AGAP1: variants seen among roughly 807,000 people sequenced by gnomAD.
AGAP1 encodes arf-GAP with GTPase, ANK repeat and PH domain-containing protein 1.
A neutral mutation model predicts 105.3 loss-of-function variants in AGAP1; 29 were observed. That is an observed-to-expected ratio of 0.28 (90% CI 0.21 to 0.38). AGAP1 has a LOEUF of 0.38. Among genes scored for constraint, AGAP1 ranks in the 10% least tolerant of loss-of-function variants. The probability of loss-of-function intolerance (pLI) is 1.00; values close to 1 mark genes in which losing one functional copy is unlikely to be tolerated. For synonymous variants in AGAP1, 509 were observed against 485.9 expected (o/e 1.05, Z -0.63); for missense variants, 998 against 1,165.1 (o/e 0.86, Z 2.09).
chr2:235,671,113 G>A lies in AGAP1; in HGVS notation c.164-38066G>A, dbSNP rs1948394524. 4 of 1,242,788 alleles carry A rather than the reference G, an allele frequency of 3.2e-6. No individual in the cohort carries two copies. The South Asian group carries it at 1.0e-4, about 32-fold the overall frequency. The allele number at this position is 1,242,788 out of a possible 1,614,324, so 77.0% of individuals were successfully genotyped here. A position where few individuals can be genotyped will look rare whatever the true frequency, so the allele number is the denominator to read the frequency against. On this transcript the variant is annotated intron_variant, in intron 1 of 17. Transcript: ENST00000304032. The stretch of plus-strand genomic sequence containing the variant: ...GGAAGGGGCGTGGTGGGGACTTGCC[G>A]GTTCCGCAGCGGCTATGGGACCCGC...
Position 235,889,165 on chromosome 2 carries a change from T to C in AGAP1, c.1155+5716T>C, listed in dbSNP as rs1575703512. 6.6e-6 allele frequency among the ~76,000 whole-genome samples: 1 copy of C among 152,126 alleles called. No individual in the cohort carries two copies. Among genetic ancestry groups the C allele is most frequent in the African/African-American group, 2.4e-5 (1 of 41,418 alleles). On this transcript the variant is annotated intron_variant, in intron 10 of 17. Coordinates refer to ENST00000304032, the MANE Select transcript of AGAP1 (RefSeq NM_001037131.3). The surrounding 1 kb of genome is among the most constrained non-coding windows in gnomAD (Gnocchi z 4.6). Reference sequence around the variant, plus strand: ...CGGTGTGTTCGAAAATAAACCCAGCTCTTGGCCAAACAAACAGTCGGTATG... The same window carrying C: ...CGGTGTGTTCGAAAATAAACCCAGCCCTTGGCCAAACAAACAGTCGGTATG...
chr2:235,597,576 C>G (rs1323691897), intron 1 of AGAP1, among the ~76,000 whole-genome samples: 1 of 152,224 alleles, frequency 6.6e-6, no homozygotes, highest in African/African-American at 2.4e-5. Context: ...CCTTACTGCA[C>G]AATTGATACT....
rs936881322 is a variant in AGAP1, at chr2:236,080,057, G to A, written c.2114+30776G>A. Among the ~76,000 whole-genome samples the A allele has an allele frequency of 1.9e-4, 29 of 152,336 alleles. No individual in the cohort carries two copies. Among genetic ancestry groups the A allele is most frequent in the Admixed American group, 5.2e-4 (8 of 15,298 alleles). ...AGTGCCCATAGCTGTGATGTAGTCA[G>A]GGCCCCATGGCATCCGCACACATCA... is the stretch of plus-strand genomic sequence containing the variant. On this transcript the variant is annotated intron_variant, in intron 16 of 17. Transcript: ENST00000304032. The surrounding 1 kb of genome is among the most constrained non-coding windows in gnomAD (Gnocchi z 4.2).
intron 13 of AGAP1, among the ~76,000 whole-genome samples, chr2:236,018,818 C>A (rs1161376504): frequency 1.3e-5 from 2 of 152,242 alleles, no homozygotes; most frequent in Non-Finnish European, 2.9e-5. Flanking sequence ...GCCCCAGCAA[C>A]AGGCCTGGGA....
intron 6 of AGAP1, among the ~76,000 whole-genome samples, chr2:235,759,442 T>G (rs188093988): frequency 3.5e-4 from 53 of 152,332 alleles, no homozygotes; most frequent in African/African-American, 1.2e-3. Flanking sequence ...GTGCTGGGAT[T>G]ACAGGCGTGA....
chr2:235,541,606 G>T (rs1943443747), intron 1 of AGAP1, among the ~76,000 whole-genome samples: 1 of 150,768 alleles, frequency 6.6e-6, no homozygotes, highest in African/African-American at 2.4e-5. Context: ...AGCCAGGATG[G>T]TCTCGATCTC....
intron 1 of AGAP1, among the ~76,000 whole-genome samples, chr2:235,523,842 G>A (rs1290130405): frequency 6.6e-6 from 1 of 151,678 alleles, no homozygotes; most frequent in Non-Finnish European, 1.5e-5. Context: ...GTAGCAGGGG[G>A]ACGGTGGTCT....
intron 6 of AGAP1, among the ~76,000 whole-genome samples, chr2:235,766,597 T>C (rs547492542): frequency 1.1e-4 from 16 of 152,338 alleles, no homozygotes; most frequent in African/African-American, 3.1e-4. Context: ...TTCATTGGAA[T>C]GAGGAGGAGA....
At position 235,555,152 on chromosome 2, in the gene AGAP1, C is replaced by G. The variant is rs1230271924; in HGVS notation, c.163+60303C>G. Among the ~76,000 whole-genome samples the G allele has an allele frequency of 6.6e-6, 1 of 152,288 alleles. No homozygotes were observed. The highest frequency in any genetic ancestry group is 2.1e-4 in the South Asian group (1 of 4,824). ...GGCAGAGGCACAGGGGTTGCTGATT[C>G]TTCTTTCCAGATGGATGTTTCTAAA... On this transcript the variant is annotated intron_variant, in intron 1 of 17. Transcript: ENST00000304032. The surrounding 1 kb of genome is among the most constrained non-coding windows in gnomAD (Gnocchi z 5.1).
intron 16 of AGAP1, among the ~76,000 whole-genome samples, chr2:236,063,842 C>T (rs2058273300): frequency 6.6e-6 from 1 of 152,224 alleles, no homozygotes; most frequent in South Asian, 2.1e-4. Context: ...TCATTTATAA[C>T]TGATACAAAA....
At chr2:235,915,961 G>C (rs6431408) in intron 11 of AGAP1, among the ~76,000 whole-genome samples, 117,827 of 152,080 alleles carry the variant, frequency 0.77, 45,756 homozygotes, top group East Asian at 0.98. Flanking sequence ...AAATCTGACT[G>C]TAGACTTCTC....
In AGAP1 at chr2:235,882,286, C is replaced by T. The variant is rs2050064143; in HGVS notation, c.1051-1059C>T. On this transcript the variant is annotated intron_variant, in intron 9 of 17. Transcript: ENST00000304032. The surrounding 1 kb of genome is among the most constrained non-coding windows in gnomAD (Gnocchi z 4.6). ...CACAATGCAGCTTGTGGCTCGTGTCCATCTTGCAGGTCGCTCTTCCTCCAC... is the reference window on the plus strand; with the variant it reads ...CACAATGCAGCTTGTGGCTCGTGTCTATCTTGCAGGTCGCTCTTCCTCCAC... The T allele has an allele frequency of 3.4e-6, 2 of 593,702 alleles. No individual in the cohort carries two copies. The highest frequency in any genetic ancestry group is 1.9e-5 in the African/African-American group (1 of 52,874). The allele number at this position is 593,702 out of a possible 1,614,324, so 36.8% of individuals were successfully genotyped here.
rs1198689441 is a variant in AGAP1 at position 236,062,444 on chromosome 2, T to C, written c.2114+13163T>C. On this transcript the variant is annotated intron_variant, in intron 16 of 17. Coordinates refer to ENST00000304032, the MANE Select transcript of AGAP1 (RefSeq NM_001037131.3). This position sits in a 1 kb window ranked among gnomAD's most constrained non-coding sequence, Gnocchi z 4.2. ...ATACTCAGGACTCGTATTTTGTTGT[T>C]GTTGTTGTTGTTGTTGTTACTTTTC... Among the ~76,000 whole-genome samples, 1 of 149,558 alleles carries C rather than the reference T, an allele frequency of 6.7e-6. No individual in the cohort carries two copies. Among genetic ancestry groups the C allele is most frequent in the Non-Finnish European group, 1.5e-5 (1 of 67,512 alleles).
chr2:235,974,058 C>T (rs191224885), intron 13 of AGAP1, among the ~76,000 whole-genome samples: 20 of 152,268 alleles, frequency 1.3e-4, no homozygotes, highest in African/African-American at 4.1e-4. Context: ...TCTGTGGCCC[C>T]GAACCTGGTG....
At chr2:236,074,542 T>C (rs1282372346) in intron 16 of AGAP1, among the ~76,000 whole-genome samples, 1 of 152,200 alleles carries the variant, frequency 6.6e-6, no homozygotes, top group Admixed American at 6.5e-5. Flanking sequence ...TCTTACGAGA[T>C]AATAGTCTCC....
At chr2:236,059,822 A>G (rs748155309) in intron 16 of AGAP1, among the ~76,000 whole-genome samples, 1 of 152,084 alleles carries the variant, frequency 6.6e-6, no homozygotes, top group Non-Finnish European at 1.5e-5. Flanking sequence ...ATAAAAATTA[A>G]CTCCAACACC....
intron 1 of AGAP1, among the ~76,000 whole-genome samples, chr2:235,528,381 T>G (rs1181926937): frequency 6.5e-5 from 1 of 15,428 alleles, no homozygotes. Flanking sequence ...CCCCTCCCAC[T>G]GGCGGTTTCA....
At chr2:235,616,318 G>A (rs188426565) in intron 1 of AGAP1, among the ~76,000 whole-genome samples, 3 of 150,162 alleles carry the variant, frequency 2.0e-5, no homozygotes, top group East Asian at 3.9e-4. Flanking sequence ...CCAAGAGTGC[G>A]CCACTCTACT....
chr2:236,099,307 T>C (rs1348615276), intron 16 of AGAP1, among the ~76,000 whole-genome samples: 1 of 151,648 alleles, frequency 6.6e-6, no homozygotes, highest in African/African-American at 2.4e-5. Context: ...ACAAAAAAAT[T>C]AGCTGGGCGT....
Sources: gnomAD v4.1 joint callset for allele counts (sites outside exome capture counted in the v4.1 genomes callset) on GRCh38, gnomAD v4.1.1 for gene constraint, Gnocchi (gnomAD v3.1) non-coding constraint, MANE v1.5 for transcripts, NCBI Gene and HGNC (gene_info 2026-07-23, HGNC 2026-07-21) for gene names.